MBD1: variants seen among roughly 807,000 people sequenced by gnomAD.
MBD1 encodes methyl-CpG-binding domain protein 1.
MBD1 carries 25 observed loss-of-function variants against 82.6 expected under a neutral mutation model. The observed-to-expected ratio is 0.30, with a 90% CI of 0.22 to 0.42. The LOEUF (loss-of-function observed/expected upper bound fraction) is 0.42. Among genes scored for constraint, MBD1 ranks in the 10% least tolerant of loss-of-function variants. The pLI, the probability that MBD1 is intolerant of heterozygous loss-of-function variation, is 1.00. For missense variants in MBD1, 627 were observed against 819.6 expected (o/e 0.76, Z 2.87); for synonymous variants, 301 against 303.7 (o/e 0.99, Z 0.09).
chr18:50,268,942 G>A lies in MBD1; in HGVS notation c.*909C>T. On this transcript the variant is annotated 3_prime_UTR_variant, in exon 17 of 17. Transcript: ENST00000269468. ...CAATTCCTACTGTGCCCCAAACAAG[G>A]TTCACAAAAGGGCTGTCCTCCCAAC... is the stretch of plus-strand genomic sequence containing the variant. 1.0e-6 allele frequency: 1 copy of A among 984,948 alleles called. No individual in the cohort carries two copies. Among genetic ancestry groups the A allele is most frequent in the Non-Finnish European group, 1.2e-6 (1 of 829,514 alleles). The allele number at this position is 984,948 out of a possible 1,614,324, so 61.0% of individuals were successfully genotyped here. A position where few individuals can be genotyped will look rare whatever the true frequency, so the allele number is the denominator to read the frequency against.
chr18:50,273,193 T>TA, intron 13 of MBD1, 141 bp downstream of exon 13: 1 of 1,343,340 alleles, frequency 7.4e-7, no homozygotes, highest in Non-Finnish European at 1.0e-6. Context: ...GGGTGTCTGT[T>TA]AGACAGGCGG....
At chr18:50,280,056 T>C (rs539722929) in intron 1 of MBD1, 39 bp from the exon 2 acceptor site, 1 of 1,560,386 alleles carries the variant, frequency 6.4e-7, no homozygotes, top group Admixed American at 1.9e-5. Context: ...ACTGAGGCTC[T>C]AGGAAGGGAC....
At position 50,272,920 on chromosome 18, in the gene MBD1, C is replaced by T; in HGVS notation, c.1620G>A (p.Glu540=). ...CCTTGTCCTCCTCTGGGTCAGGTGG[C>T]TCTTGCTTCACAGAAGGCAGGCCTG... The part of the protein sequence containing the change: ...VDPGLPSVKQ[E]PPDPEEDKEE... The change falls in exon 14 of 17, where the codon GAG becomes GAA. Residue 540 remains glutamate (E), a synonymous_variant. Coordinates refer to ENST00000269468, the MANE Select transcript of MBD1 (RefSeq NM_015846.4). 6.2e-7 allele frequency: 1 copy of T among 1,614,222 alleles called. No individual in the cohort carries two copies. The highest frequency in any genetic ancestry group is 1.1e-5 in the South Asian group (1 of 91,086).
intron 4 of MBD1, 22 bp downstream of exon 4, chr18:50,276,810 C>T (rs780464322): frequency 1.2e-6 from 2 of 1,614,200 alleles, no homozygotes; most frequent in Non-Finnish European, 1.7e-6. Context: ...ACCCATCTGG[C>T]TCACCTTAGA....
rs1250782874 is a variant in MBD1 at position 50,276,632 on chromosome 18, C to T, written c.475+30G>A. On this transcript the variant is annotated intron_variant, in intron 5 of 16. Transcript: ENST00000269468. ...CTGGACCTGCTCCAGCTCCTATCTCCCGATGCCCCATCCTCTGGAGGCCAC... is the reference window on the plus strand; with the variant it reads ...CTGGACCTGCTCCAGCTCCTATCTCTCGATGCCCCATCCTCTGGAGGCCAC... The T allele has an allele frequency of 8.1e-6, 13 of 1,612,128 alleles. No homozygotes were observed. In the East Asian group the frequency reaches 2.0e-4, roughly 25 times the overall value.
rs1225807715 is a variant in MBD1, at chr18:50,269,067, T to C, written c.*784A>G. ...TATTGATGCATTTAATAAAATTGCA[T>C]GGGCCGTATCTTTTGCATTTCTGTA... is the stretch of plus-strand genomic sequence containing the variant. On this transcript the variant is annotated 3_prime_UTR_variant, in exon 17 of 17. Coordinates refer to ENST00000269468, the MANE Select transcript of MBD1 (RefSeq NM_015846.4). 23 of 987,506 alleles carry C rather than the reference T, an allele frequency of 2.3e-5. No individual in the cohort carries two copies. Among genetic ancestry groups the C allele is most frequent in the Non-Finnish European group, 2.5e-5 (21 of 831,272 alleles). 61.2% of individuals were successfully genotyped at this position (987,506 alleles called of 1,614,324 possible). A position where few individuals can be genotyped will look rare whatever the true frequency, so the allele number is the denominator to read the frequency against.
At chr18:50,275,510 C>T in intron 8 of MBD1, 90 bp downstream of exon 8, 1 of 1,607,654 alleles carries the variant, frequency 6.2e-7, no homozygotes. Context: ...AAAAGAAAGA[C>T]ATGAGGTAGG....
Position 50,268,914 on chromosome 18 carries a change from T to A in MBD1, c.*937A>T. ...AGCTTAGAGATAGAAACTAAATTAT[T>A]TCCAATTCCTACTGTGCCCCAAACA... On this transcript the variant is annotated 3_prime_UTR_variant, in exon 17 of 17. Transcript: ENST00000269468. 1 of 984,878 alleles carries A rather than the reference T, an allele frequency of 1.0e-6. No individual in the cohort carries two copies. The highest frequency in any genetic ancestry group is 1.2e-6 in the Non-Finnish European group (1 of 829,388). 61.0% of individuals were successfully genotyped at this position (984,878 alleles called of 1,614,324 possible). A position where few individuals can be genotyped will look rare whatever the true frequency, so the allele number is the denominator to read the frequency against.
At position 50,269,817 on chromosome 18, in the gene MBD1, G is replaced by A. The variant is rs1029000489; in HGVS notation, c.*34C>T. The A allele has an allele frequency of 6.3e-6, 5 of 797,726 alleles. No individual in the cohort carries two copies. The highest frequency in any genetic ancestry group is 1.2e-5 in the Non-Finnish European group (5 of 433,586). 49.4% of individuals were successfully genotyped at this position (797,726 alleles called of 1,614,324 possible). ...TCCCTTCCCGAGTGCCTGCCCTGCA[G>A]ACTTCAAGCTCCAGCATTAGATGCA... On this transcript the variant is annotated splice_region_variant and 3_prime_UTR_variant, in exon 17 of 17. Coordinates refer to ENST00000269468, the MANE Select transcript of MBD1 (RefSeq NM_015846.4).
intron 2 of MBD1, among the ~76,000 whole-genome samples, chr18:50,279,464 CACAGAACACTAA>C (rs2039365713): frequency 6.6e-6 from 1 of 152,182 alleles, no homozygotes; most frequent in Admixed American, 6.5e-5. Flanking sequence ...ATAGTCTTCT[CACAGAACACTAA>C]ACAGCACCTC....
At chr18:50,277,283 C>T (rs1599478498) in intron 2 of MBD1, 79 bp from the exon 3 acceptor site, 2 of 1,178,496 alleles carry the variant, frequency 1.7e-6, no homozygotes, top group Admixed American at 1.9e-5. Context: ...ACAGGGCTGG[C>T]AGGATATAGG....
At position 50,273,972 on chromosome 18, in the gene MBD1, T is replaced by C. The variant is rs2036706041; in HGVS notation, c.1147-109A>G. On this transcript the variant is annotated intron_variant, in intron 11 of 16. Transcript: ENST00000269468. ...CTCCCATCAGTCCCAGCACGGAATC[T>C]GCTTACATATGAGCCCTTCATCACT... 8 of 1,435,620 alleles carry C rather than the reference T, an allele frequency of 5.6e-6. No homozygotes were observed. The Admixed American group carries it at 1.4e-4, about 24-fold the overall frequency. The allele number at this position is 1,435,620 out of a possible 1,614,324, so 88.9% of individuals were successfully genotyped here. A position where few individuals can be genotyped will look rare whatever the true frequency, so the allele number is the denominator to read the frequency against.
chr18:50,273,460 G>A lies in MBD1; in HGVS notation c.1458C>T (p.Cys486=), dbSNP rs762294877. 3.1e-6 allele frequency: 5 copies of A among 1,614,076 alleles called. No individual in the cohort carries two copies. Among genetic ancestry groups the A allele is most frequent in the Admixed American group, 3.3e-5 (2 of 60,006 alleles). The change falls in exon 13 of 17, where the codon TGC becomes TGT. Residue 486 remains cysteine (C), a synonymous_variant. Transcript: ENST00000269468. ...AGGCCACAACCCAACTCAGGCCAGA[G>A]CACTGGGCCTCCTGCGTGAGGGAGG... is the stretch of plus-strand genomic sequence containing the variant. The part of the protein sequence containing the change: ...STEALLQEAQ[C]SGLSWVVALP...
At chr18:50,267,546 G>A (rs185483436), downstream of MBD1, 2,032 of 1,307,562 alleles carry the variant, frequency 1.6e-3, 3 homozygotes, top group Non-Finnish European at 1.7e-3. Context: ...TCCAGTAACT[G>A]GTTTCTGAGA....
chr18:50,281,636 G>A (rs529114649), upstream of MBD1: 4 of 443,424 alleles, frequency 9.0e-6, no homozygotes, highest in African/African-American at 6.0e-5. Flanking sequence ...CCTACGGGCC[G>A]GCGCTCCGCA....
chr18:50,270,276 C>T lies in MBD1; in HGVS notation c.*33-458G>A, dbSNP rs747585140. 18 of 942,010 alleles carry T rather than the reference C, an allele frequency of 1.9e-5. No homozygotes were observed. The East Asian group carries it at 4.3e-4, about 23-fold the overall frequency. The allele number at this position is 942,010 out of a possible 1,614,324, so 58.4% of individuals were successfully genotyped here. On this transcript the variant is annotated intron_variant, in intron 16 of 16. Transcript: ENST00000269468. ...ACTAGGGTAAGGCAAGGGAGGCACA[C>T]AGGATACAAAGTTTAAGGAGGCACT...
chr18:50,269,175 G>T lies in MBD1; in HGVS notation c.*676C>A. The T allele has an allele frequency of 1.9e-6, 2 of 1,040,784 alleles. No individual in the cohort carries two copies. Among genetic ancestry groups the T allele is most frequent in the African/African-American group, 1.7e-5 (1 of 58,600 alleles). The allele number at this position is 1,040,784 out of a possible 1,614,324, so 64.5% of individuals were successfully genotyped here. On this transcript the variant is annotated 3_prime_UTR_variant, in exon 17 of 17. Transcript: ENST00000269468. ...ACACAAAAATAGCCAGGACCAGCAAGTTTTTTCTGGGTGGGCTTCATAGAA... is the reference window on the plus strand; with the variant it reads ...ACACAAAAATAGCCAGGACCAGCAATTTTTTTCTGGGTGGGCTTCATAGAA...
chr18:50,281,731 G>T (rs1239814155), upstream of MBD1: 3 of 375,778 alleles, frequency 8.0e-6, no homozygotes, highest in Non-Finnish European at 1.4e-5. Context: ...GGGACTGGCA[G>T]TTGCGGCTCT....
At position 50,276,680 on chromosome 18, in the gene MBD1, A is replaced by G. The variant is rs747149724; in HGVS notation, c.457T>C (p.Leu153=). The G allele has an allele frequency of 4.3e-6, 7 of 1,614,176 alleles. No homozygotes were observed. In the Admixed American group the frequency reaches 1.0e-4, roughly 23 times the overall value. ...CACTCACCTCGACAGTCTTTGCACAACGTTTTGAGCCGCTGCCTTTGGGTG... is the reference window on the plus strand; with the variant it reads ...CACTCACCTCGACAGTCTTTGCACAGCGTTTTGAGCCGCTGCCTTTGGGTG... ...DGTQRQRLKT[L]CKDCRAQRIA... The change falls in exon 5 of 17, where the codon TTG becomes CTG. Residue 153 remains leucine, a synonymous_variant. Transcript: ENST00000269468.
Sources: gnomAD v4.1 joint callset for allele counts (sites outside exome capture counted in the v4.1 genomes callset) on GRCh38, gnomAD v4.1.1 for gene constraint, MANE v1.5 for transcripts, NCBI Gene and HGNC (gene_info 2026-07-23, HGNC 2026-07-21) for gene names.